OPCML: variants seen among roughly 807,000 people sequenced by gnomAD.
OPCML encodes opioid-binding protein/cell adhesion molecule.
A neutral mutation model predicts 37.8 loss-of-function variants in OPCML; 13 were observed. The ratio of observed to expected loss-of-function variants is 0.34; its 90% CI spans 0.22 to 0.55. OPCML has a LOEUF of 0.55. Among genes scored for constraint, OPCML ranks in the 20% least tolerant of loss-of-function variants. The pLI, the probability that OPCML is intolerant of heterozygous loss-of-function variation, is 0.91. For synonymous variants in OPCML, 176 were observed against 168.8 expected, an observed-to-expected ratio of 1.04 and a Z score of -0.33; for missense variants, 341 against 435.6, an observed-to-expected ratio of 0.78 and a Z score of 1.93.
intron 3 of OPCML, among the ~76,000 whole-genome samples, chr11:132,578,993 A>T (rs2096456702): frequency 6.6e-6 from 1 of 152,164 alleles, no homozygotes; most frequent in African/African-American, 2.4e-5. Flanking sequence ...AAAAAAAAGC[A>T]AAATTTTAAG....
chr11:133,189,975 C>A (rs905660907), intron 1 of OPCML, among the ~76,000 whole-genome samples: 1 of 152,190 alleles, frequency 6.6e-6, no homozygotes, highest in South Asian at 2.1e-4. Context: ...CCTTCCCTGG[C>A]GGGACCTGGT....
At chr11:133,420,302 A>G in intron 1 of OPCML, 1 of 985,470 alleles carries the variant, frequency 1.0e-6, no homozygotes, top group Non-Finnish European at 1.2e-6. Context: ...ACGAAGTGCA[A>G]ATTAATCCTA....
intron 2 of OPCML, among the ~76,000 whole-genome samples, chr11:132,787,096 A>T (rs578200894): frequency 5.9e-5 from 9 of 152,300 alleles, no homozygotes; most frequent in African/African-American, 2.2e-4. Flanking sequence ...ACAAGTTTTC[A>T]TGTGTGCTGA....
At position 132,622,010 on chromosome 11, in the gene OPCML, G is replaced by A. The variant is rs557521509; in HGVS notation, c.379+35077C>T. On this transcript the variant is annotated intron_variant, in intron 3 of 7. Coordinates refer to ENST00000524381, the MANE Select transcript of OPCML (RefSeq NM_001012393.5). The stretch of plus-strand genomic sequence containing the variant: ...GCCATCATCTCTTTCTACCTTTAGA[G>A]CCCAGACAGCTACAATTAAAATAAT... 2.0e-5 allele frequency among the ~76,000 whole-genome samples: 3 copies of A among 152,214 alleles called. No individual in the cohort carries two copies. The East Asian group carries it at 5.8e-4, about 29-fold the overall frequency.
At chr11:133,074,200 T>C (rs1438061537) in intron 1 of OPCML, among the ~76,000 whole-genome samples, 4 of 152,222 alleles carry the variant, frequency 2.6e-5, no homozygotes, top group Non-Finnish European at 4.4e-5. Flanking sequence ...TCATTTCAAA[T>C]GATAATCTTT....
chr11:133,256,693 C>G (rs1398692638), intron 1 of OPCML, among the ~76,000 whole-genome samples: 1 of 151,948 alleles, frequency 6.6e-6, no homozygotes, highest in East Asian at 1.9e-4. Context: ...CAAAAAAGTT[C>G]CTTTAAAAAT....
chr11:132,584,200 T>A (rs1467965706), intron 3 of OPCML, among the ~76,000 whole-genome samples: 1 of 152,004 alleles, frequency 6.6e-6, no homozygotes, highest in Non-Finnish European at 1.5e-5. Flanking sequence ...TTAACAGATA[T>A]CAAGTAGAGG....
chr11:133,353,160 TTTG>T (rs577758867), intron 1 of OPCML, among the ~76,000 whole-genome samples: 8 of 152,068 alleles, frequency 5.3e-5, no homozygotes, highest in East Asian at 1.9e-4. Context: ...AAGCCCCTAT[TTTG>T]TTGTTGTTGT....
At chr11:132,484,755 CATGT>C (rs2096193827) in intron 4 of OPCML, among the ~76,000 whole-genome samples, 1 of 152,102 alleles carries the variant, frequency 6.6e-6, no homozygotes, top group African/African-American at 2.4e-5. Flanking sequence ...ATGATGAGTT[CATGT>C]CCTTTGTAGG....
intron 1 of OPCML, among the ~76,000 whole-genome samples, chr11:133,426,949 C>T (rs1433815764): frequency 6.6e-6 from 1 of 152,094 alleles, no homozygotes; most frequent in Non-Finnish European, 1.5e-5. Flanking sequence ...TTTTCAAGAA[C>T]ATTTATGCAA....
At chr11:133,091,985 A>G (rs919723645) in intron 1 of OPCML, among the ~76,000 whole-genome samples, 3 of 152,324 alleles carry the variant, frequency 2.0e-5, no homozygotes, top group Admixed American at 1.3e-4. Context: ...GCAGAAACTT[A>G]ATTTCCAATG....
chr11:133,445,045 A>G (rs2136947143), intron 1 of OPCML, among the ~76,000 whole-genome samples: 1 of 123,488 alleles, frequency 8.1e-6, no homozygotes, highest in South Asian at 2.2e-4. Context: ...ACCACACCCC[A>G]TCTACACAAT....
intron 2 of OPCML, among the ~76,000 whole-genome samples, chr11:132,734,580 A>C (rs954642011): frequency 6.6e-6 from 1 of 152,224 alleles, no homozygotes; most frequent in Non-Finnish European, 1.5e-5. Context: ...CAGCATCTTC[A>C]TGAGAAACTC....
At chr11:132,890,908 A>C (rs577336001) in intron 2 of OPCML, among the ~76,000 whole-genome samples, 1 of 151,550 alleles carries the variant, frequency 6.6e-6, no homozygotes, top group Non-Finnish European at 1.5e-5. Flanking sequence ...CCCTATGATG[A>C]GAAATACAAG....
intron 1 of OPCML, chr11:133,007,107 C>T: frequency 3.0e-6 from 3 of 985,430 alleles, no homozygotes; most frequent in Non-Finnish European, 3.6e-6. Flanking sequence ...GAGACATCCC[C>T]TAGAGCTTTA....
At chr11:132,493,937 G>T (rs774824030) in intron 4 of OPCML, among the ~76,000 whole-genome samples, 2 of 152,146 alleles carry the variant, frequency 1.3e-5, no homozygotes, top group African/African-American at 4.8e-5. Context: ...AACAATTTCC[G>T]CTTGTTGTGG....
At chr11:133,201,305 CT>C (rs71477789) in intron 1 of OPCML, among the ~76,000 whole-genome samples, 4,048 of 147,736 alleles carry the variant, frequency 0.027, 81 homozygotes, top group Non-Finnish European at 0.042. Context: ...ACAATGCATG[CT>C]TTTTTTTTTT....
At chr11:133,452,109 C>A (rs1165279077) in intron 1 of OPCML, among the ~76,000 whole-genome samples, 2 of 151,482 alleles carry the variant, frequency 1.3e-5, no homozygotes, top group African/African-American at 4.9e-5. Flanking sequence ...ACTAGACTAC[C>A]AAGAAACAGG....
intron 2 of OPCML, among the ~76,000 whole-genome samples, chr11:132,746,405 C>G (rs1230415542): frequency 6.6e-6 from 1 of 152,164 alleles, no homozygotes; most frequent in Non-Finnish European, 1.5e-5. Context: ...TATTCTCCCA[C>G]AAAGCTCTGT....
Sources: allele counts gnomAD v4.1 joint callset (sites outside exome capture counted in the v4.1 genomes callset), GRCh38; gene constraint gnomAD v4.1.1; transcripts MANE v1.5; gene names NCBI Gene and HGNC (gene_info 2026-07-23, HGNC 2026-07-21).